TSPAN18: variants seen among roughly 807,000 people sequenced by gnomAD.
The protein encoded by TSPAN18 is tetraspanin 18.
A neutral mutation model predicts 27.3 loss-of-function variants in TSPAN18; 14 were observed. The ratio of observed to expected loss-of-function variants is 0.51; its 90% CI spans 0.34 to 0.80. The LOEUF (loss-of-function observed/expected upper bound fraction) is 0.80, where lower values mean the gene tolerates loss of function less well. Ranked by LOEUF, TSPAN18 falls within the 30% of genes least tolerant of loss-of-function variation. The pLI is 0.01. For synonymous variants in TSPAN18, 143 were observed against 136.5 expected (o/e 1.05, Z -0.33); for missense variants, 268 against 323.9 (o/e 0.83, Z 1.32).
intron 2 of TSPAN18, among the ~76,000 whole-genome samples, chr11:44,765,838 T>A (rs149913103): frequency 2.6e-5 from 4 of 152,376 alleles, no homozygotes; most frequent in African/African-American, 9.6e-5. Flanking sequence ...TTGTTTTGTT[T>A]TGTTTTTAAA....
chr11:44,826,248 C>T (rs1300093023), intron 2 of TSPAN18, among the ~76,000 whole-genome samples: 1 of 152,148 alleles, frequency 6.6e-6, no homozygotes, highest in African/African-American at 2.4e-5. Flanking sequence ...CATGGAGAAA[C>T]CCCGTCTCTA....
At chr11:44,830,662 C>G (rs576032177) in intron 2 of TSPAN18, among the ~76,000 whole-genome samples, 1 of 152,298 alleles carries the variant, frequency 6.6e-6, no homozygotes, top group South Asian at 2.1e-4. Flanking sequence ...CCCACAGGGC[C>G]AGGCACCTAA....
At chr11:44,844,515 A>C (rs1324271495) in intron 2 of TSPAN18, among the ~76,000 whole-genome samples, 5 of 152,198 alleles carry the variant, frequency 3.3e-5, no homozygotes, top group African/African-American at 1.2e-4. Context: ...TCATCTGCCC[A>C]GTTTTAGCTA....
chr11:44,918,619 C>A (rs1334248378), intron 6 of TSPAN18, among the ~76,000 whole-genome samples: 1 of 131,384 alleles, frequency 7.6e-6, no homozygotes, highest in Admixed American at 8.0e-5. Flanking sequence ...GTAGAGGAGG[C>A]GGGCGGGGAG....
chr11:44,902,917 G>T (rs1171444488), intron 3 of TSPAN18, among the ~76,000 whole-genome samples: 1 of 152,176 alleles, frequency 6.6e-6, no homozygotes, highest in East Asian at 1.9e-4. Context: ...TGGAGGCGAG[G>T]AGGATACGAA....
At position 44,897,789 on chromosome 11, in the gene TSPAN18, C is replaced by T. The variant is rs748671757; in HGVS notation, c.-10-8618C>T. 60 of 1,289,252 alleles carry T rather than the reference C, an allele frequency of 4.7e-5. 1 individual carries two copies. Among genetic ancestry groups the T allele is most frequent in the South Asian group, 3.9e-4 (32 of 81,022 alleles). The allele number at this position is 1,289,252 out of a possible 1,614,324, so 79.9% of individuals were successfully genotyped here. On this transcript the variant is annotated intron_variant, in intron 3 of 9. Transcript: ENST00000520358. ...AAGAAATATACACAAGCCTCGCTGA[C>T]GGGAGAGTCTGTCCTGCTGATGCCC...
intron 3 of TSPAN18, among the ~76,000 whole-genome samples, chr11:44,899,732 C>A (rs2863131): frequency 0.33 from 50,670 of 152,148 alleles, 10,317 homozygotes; most frequent in East Asian, 0.63. Flanking sequence ...GGCATGAAAG[C>A]AAAGGCCTGG....
In TSPAN18 at chr11:44,917,898, CG is replaced by C. The variant is rs1031818611; in HGVS notation, c.259-72del. 7.4e-6 allele frequency: 10 copies of C among 1,353,708 alleles called. No homozygotes were observed. In the Admixed American group the frequency reaches 1.7e-4, roughly 23 times the overall value. The allele number at this position is 1,353,708 out of a possible 1,614,324, so 83.9% of individuals were successfully genotyped here. ...CTGCGTCACTGGTGTGACAGATGGA[CG>C]GATGCATTGGCCAGTGGCCGCCCCA... is the stretch of plus-strand genomic sequence containing the variant. On this transcript the variant is annotated intron_variant, in intron 5 of 9. Coordinates refer to ENST00000520358, the MANE Select transcript of TSPAN18 (RefSeq NM_130783.5).
chr11:44,747,730 C>G (rs1042997373), intron 1 of TSPAN18, among the ~76,000 whole-genome samples: 1 of 152,162 alleles, frequency 6.6e-6, no homozygotes, highest in African/African-American at 2.4e-5. Flanking sequence ...TTCCTCACTC[C>G]TGCACTCATC....
chr11:44,916,882 G>A (rs941505356), intron 5 of TSPAN18, among the ~76,000 whole-genome samples: 3 of 152,208 alleles, frequency 2.0e-5, no homozygotes, highest in African/African-American at 4.8e-5. Context: ...GGGTGACAAC[G>A]GACTTTGTCA....
Position 44,929,268 on chromosome 11 carries a change from C to A in TSPAN18, c.*90C>A. ...GTGCCCCTCCCCGCTGTCCTCTTGGCCCCAGGGGAGAAGATGAGGCCATCA... is the reference window on the plus strand; with the variant it reads ...GTGCCCCTCCCCGCTGTCCTCTTGGACCCAGGGGAGAAGATGAGGCCATCA... On this transcript the variant is annotated 3_prime_UTR_variant, in exon 10 of 10. Coordinates refer to ENST00000520358, the MANE Select transcript of TSPAN18 (RefSeq NM_130783.5). 1.3e-6 allele frequency: 2 copies of A among 1,527,210 alleles called. No homozygotes were observed. Among genetic ancestry groups the A allele is most frequent in the Non-Finnish European group, 1.8e-6 (2 of 1,108,924 alleles). The allele number at this position is 1,527,210 out of a possible 1,614,324, so 94.6% of individuals were successfully genotyped here.
chr11:44,910,695 A>G (rs776728981), intron 5 of TSPAN18, among the ~76,000 whole-genome samples: 54 of 152,178 alleles, frequency 3.5e-4, no homozygotes, highest in Non-Finnish European at 5.9e-4. Flanking sequence ...CTTATTCATC[A>G]AGTAAGTAGC....
intron 2 of TSPAN18, among the ~76,000 whole-genome samples, chr11:44,791,788 G>A (rs1417322776): frequency 6.6e-6 from 1 of 152,202 alleles, no homozygotes; most frequent in Non-Finnish European, 1.5e-5. Context: ...AATCTCCCTG[G>A]CTGTAGCACT....
At chr11:44,878,368 C>G (rs570523215) in intron 3 of TSPAN18, among the ~76,000 whole-genome samples, 1 of 152,182 alleles carries the variant, frequency 6.6e-6, no homozygotes, top group Admixed American at 6.5e-5. Context: ...TGAGATCCAG[C>G]GTCTCCATCC....
At chr11:44,804,294 T>C (rs978432826) in intron 2 of TSPAN18, among the ~76,000 whole-genome samples, 1 of 152,198 alleles carries the variant, frequency 6.6e-6, no homozygotes, top group African/African-American at 2.4e-5. Context: ...AGTTTCACCA[T>C]GTTGGCCAGG....
chr11:44,835,443 G>A (rs574912706), intron 2 of TSPAN18, among the ~76,000 whole-genome samples: 10 of 152,110 alleles, frequency 6.6e-5, no homozygotes, highest in South Asian at 4.1e-4. Flanking sequence ...GATCTTCTTC[G>A]TATTTCCTGA....
chr11:44,811,563 G>C (rs1856717028), intron 2 of TSPAN18, among the ~76,000 whole-genome samples: 2 of 151,726 alleles, frequency 1.3e-5, no homozygotes, highest in South Asian at 4.2e-4. Context: ...GGGTTCAAGT[G>C]ATTCTCCTGC....
intron 1 of TSPAN18, among the ~76,000 whole-genome samples, chr11:44,748,731 T>A (rs1855140073): frequency 6.6e-6 from 1 of 152,094 alleles, no homozygotes; most frequent in Admixed American, 6.5e-5. Context: ...CCAGCAGAGA[T>A]GACTTAGGGA....
intron 4 of TSPAN18, among the ~76,000 whole-genome samples, chr11:44,908,826 A>AAGGAAGGAAGGAAGGAAG (rs1859596885): frequency 7.4e-6 from 1 of 135,396 alleles, no homozygotes; most frequent in African/African-American, 2.8e-5. Context: ...AAAGAAAGAA[A>AAGGAAGGAAGGAAGGAAG]GAAAAAGAAA....
Sources: gnomAD v4.1 joint callset for allele counts (sites outside exome capture counted in the v4.1 genomes callset) on GRCh38, gnomAD v4.1.1 for gene constraint, MANE v1.5 for transcripts, NCBI Gene and HGNC (gene_info 2026-07-23, HGNC 2026-07-21) for gene names.